Variants in RPS19 observed in about 807,000 individuals in gnomAD.
The protein encoded by RPS19 is small ribosomal subunit protein eS19.
In RPS19, 1 loss-of-function variant was observed where a neutral mutation model predicts 20.3. The observed-to-expected ratio is 0.05, with a 90% CI of 0.02 to 0.23. The LOEUF (loss-of-function observed/expected upper bound fraction) is 0.23, where lower values mean the gene tolerates loss of function less well. Ranked by LOEUF, RPS19 falls within the 10% of genes least tolerant of loss-of-function variation. The pLI is 1.00. For missense variants in RPS19, 111 were observed against 192.7 expected, an observed-to-expected ratio of 0.58 and a Z score of 2.51; for synonymous variants, 87 against 74.8, an observed-to-expected ratio of 1.16 and a Z score of -0.84.
intron 3 of RPS19, among the ~76,000 whole-genome samples, 197 bp from the exon 4 acceptor site, chr19:41,868,834 G>A (rs782802807): frequency 1.3e-5 from 2 of 152,040 alleles, no homozygotes; most frequent in Non-Finnish European, 2.9e-5. Flanking sequence ...TGCCCACCCA[G>A]GGTGCAGGGC....
In RPS19 at chr19:41,860,857, G is replaced by A; in HGVS notation, c.71+12G>A. On this transcript the variant is annotated intron_variant, in intron 2 of 5. Transcript: ENST00000598742. ...GCCTTCCTCAAAAAGTGAGTTTGGG[G>A]ACTGAGGTTCAAAACGGGTGGAGGC... The A allele has an allele frequency of 1.9e-6, 3 of 1,610,862 alleles. No homozygotes were observed. Among genetic ancestry groups the A allele is most frequent in the South Asian group, 2.2e-5 (2 of 90,994 alleles).
intron 3 of RPS19, among the ~76,000 whole-genome samples, chr19:41,862,895 G>T (rs1394033323): frequency 6.6e-6 from 1 of 152,166 alleles, no homozygotes; most frequent in Non-Finnish European, 1.5e-5. Flanking sequence ...TTGTGTGGTA[G>T]ACCAGAGGCC....
At chr19:41,860,312 A>AC (rs2074013484) in intron 1 of RPS19, 23 bp downstream of exon 1, 1 of 154,018 alleles carries the variant, frequency 6.5e-6, no homozygotes, top group African/African-American at 2.4e-5. Context: ...TCCGAGCTGG[A>AC]CCGGGCGCGA....
At chr19:41,865,437 G>C (rs1229241535) in intron 3 of RPS19, among the ~76,000 whole-genome samples, 1 of 151,632 alleles carries the variant, frequency 6.6e-6, no homozygotes, top group Non-Finnish European at 1.5e-5. Context: ...CAAGGTTTAA[G>C]TAAAGTGTCT....
In RPS19 at chr19:41,872,740, C is replaced by G. The variant is rs1246085887; in HGVS notation, c.*1363C>G. The G allele has an allele frequency of 2.6e-5, 4 of 152,112 alleles. No individual in the cohort carries two copies. Among genetic ancestry groups the G allele is most frequent in the Admixed American group, 2.6e-4 (4 of 15,262 alleles). The allele number at this position is 152,112 out of a possible 1,614,324, so 9.4% of individuals were successfully genotyped here. On this transcript the variant is annotated 3_prime_UTR_variant, in exon 6 of 6. Transcript: ENST00000598742. Reference sequence around the variant, plus strand: ...TGGAGAAACCCTGTCTCTAAAAATACCAAAATTAGTTGGGCATGGTGGCGC... The same window carrying G: ...TGGAGAAACCCTGTCTCTAAAAATAGCAAAATTAGTTGGGCATGGTGGCGC...
chr19:41,863,339 C>T (rs1324495838), intron 3 of RPS19, among the ~76,000 whole-genome samples: 1 of 152,186 alleles, frequency 6.6e-6, no homozygotes, highest in Admixed American at 6.5e-5. Context: ...GTTTGGCAGT[C>T]AGCTTATACT....
chr19:41,869,191 A>G lies in RPS19; in HGVS notation c.333A>G (p.Lys111=), dbSNP rs781845960. 218 of 1,613,406 alleles carry G rather than the reference A, an allele frequency of 1.4e-4. No individual in the cohort carries two copies. The highest frequency in any genetic ancestry group is 1.8e-4 in the Non-Finnish European group (213 of 1,179,810). ...RRVLQALEGL[K]MVEKDQDGGR... ...TCCTCCAAGCCCTGGAGGGGCTGAA[A>G]ATGGTGGAAAAGGACCAAGATGGGT... is the stretch of plus-strand genomic sequence containing the variant. The change falls in exon 4 of 6, where the codon AAA becomes AAG. Residue 111 remains lysine (K), a synonymous_variant. Transcript: ENST00000598742.
chr19:41,863,671 G>T (rs79818710), intron 3 of RPS19, among the ~76,000 whole-genome samples: 1,647 of 152,080 alleles, frequency 0.011, 36 homozygotes, highest in African/African-American at 0.038. Flanking sequence ...CCCTCTTGAG[G>T]GTGGTCTGGA....
intron 3 of RPS19, among the ~76,000 whole-genome samples, chr19:41,865,452 T>C (rs1341548564): frequency 1.3e-5 from 2 of 151,840 alleles, no homozygotes; most frequent in South Asian, 2.1e-4. Flanking sequence ...GTGTCTCCTT[T>C]AGTACCGCAG....
chr19:41,870,848 CCTT>C (rs1409005244), intron 5 of RPS19, among the ~76,000 whole-genome samples: 18,719 of 85,194 alleles, frequency 0.22, 4,502 homozygotes, highest in South Asian at 0.33. Context: ...CCACTCCCTT[CCTT>C]TTTTTTTTTT....
chr19:41,866,480 GT>G (rs1568793248), intron 3 of RPS19, among the ~76,000 whole-genome samples: 1 of 152,180 alleles, frequency 6.6e-6, no homozygotes, highest in East Asian at 1.9e-4. Flanking sequence ...CTTACGCCAG[GT>G]GAGTCTGTCT....
Position 41,860,807 on chromosome 19 carries a change from G to A in RPS19, c.33G>A (p.Gln11=). The A allele has an allele frequency of 6.2e-7, 1 of 1,614,052 alleles. No individual in the cohort carries two copies. The highest frequency in any genetic ancestry group is 8.5e-7 in the Non-Finnish European group (1 of 1,179,880). The change falls in exon 2 of 6, where the codon CAG becomes CAA. Residue 11 remains glutamine, a synonymous_variant. Coordinates refer to ENST00000598742, the MANE Select transcript of RPS19 (RefSeq NM_001022.4). ...GAGTTACTGTAAAAGACGTGAACCA[G>A]CAGGAGTTCGTCAGAGCTCTGGCAG... is the stretch of plus-strand genomic sequence containing the variant. The part of the protein sequence containing the change: MPGVTVKDVN[Q]QEFVRALAAF...
At chr19:41,869,528 G>A (rs1234796558) in intron 4 of RPS19, 171 bp from the exon 5 acceptor site, 15 of 667,046 alleles carry the variant, frequency 2.2e-5, no homozygotes, top group Middle Eastern at 4.0e-4. Flanking sequence ...GCTCCCAGGG[G>A]GGCTCCCACT....
chr19:41,872,421 A>G lies in RPS19; in HGVS notation c.*1044A>G, dbSNP rs115815775. On this transcript the variant is annotated 3_prime_UTR_variant, in exon 6 of 6. Coordinates refer to ENST00000598742, the MANE Select transcript of RPS19 (RefSeq NM_001022.4). ...TTTTGAAGTTCAAACTAGAGTTTAA[A>G]TCACAACTCTGCCCCTAATCCCACG... 324 of 152,372 alleles carry G rather than the reference A, an allele frequency of 2.1e-3. No individual in the cohort carries two copies. Among genetic ancestry groups the G allele is most frequent in the African/African-American group, 7.2e-3 (299 of 41,598 alleles). 9.4% of individuals were successfully genotyped at this position (152,372 alleles called of 1,614,324 possible).
intron 2 of RPS19, 122 bp downstream of exon 2, chr19:41,860,967 C>G (rs1307514877): frequency 1.8e-6 from 2 of 1,113,458 alleles, no homozygotes; most frequent in Non-Finnish European, 2.7e-6. Context: ...TGGCTCCTTT[C>G]AGCGTGAGGC....
Position 41,860,262 on chromosome 19 carries a change from C to G in RPS19, c.-28C>G, listed in dbSNP as rs543224166. ...CCGGGAAACCCCGTCGTTCCCTTTCCCCTGGCTGGCAGCGCGGAGGCCGCA... is the reference window on the plus strand; with the variant it reads ...CCGGGAAACCCCGTCGTTCCCTTTCGCCTGGCTGGCAGCGCGGAGGCCGCA... On this transcript the variant is annotated 5_prime_UTR_variant, in exon 1 of 6. Coordinates refer to ENST00000598742, the MANE Select transcript of RPS19 (RefSeq NM_001022.4). 6.5e-6 allele frequency: 1 copy of G among 153,122 alleles called. No individual in the cohort carries two copies. The highest frequency in any genetic ancestry group is 1.5e-5 in the Non-Finnish European group (1 of 68,336). 9.5% of individuals were successfully genotyped at this position (153,122 alleles called of 1,614,324 possible).
intron 3 of RPS19, 137 bp from the exon 4 acceptor site, chr19:41,868,894 G>A: frequency 1.1e-6 from 1 of 901,628 alleles, no homozygotes; most frequent in Non-Finnish European, 1.7e-6. Flanking sequence ...AGAGGGGGCT[G>A]TCAGTTTCTG....
chr19:41,869,331 A>C (rs2074121848), intron 4 of RPS19, 117 bp downstream of exon 4: 1 of 961,258 alleles, frequency 1.0e-6, no homozygotes, highest in Admixed American at 2.5e-5. Context: ...TATCAGAGGC[A>C]GGCAGGAGGG....
chr19:41,861,986 C>T (rs1005633918), intron 3 of RPS19, among the ~76,000 whole-genome samples: 5 of 152,160 alleles, frequency 3.3e-5, no homozygotes, highest in South Asian at 2.1e-4. Flanking sequence ...ACAGGGTGGG[C>T]GGTGGCAGTG....
Sources: allele counts gnomAD v4.1 joint callset (sites outside exome capture counted in the v4.1 genomes callset), GRCh38; gene constraint gnomAD v4.1.1; transcripts MANE v1.5; gene names NCBI Gene and HGNC (gene_info 2026-07-23, HGNC 2026-07-21).